Variants in ICOS observed in about 807,000 individuals in gnomAD.
The protein encoded by ICOS is inducible T-cell costimulator.
In ICOS, 15 loss-of-function variants were observed where a neutral mutation model predicts 24.6. That is an observed-to-expected ratio of 0.61 (90% CI 0.41 to 0.94). The LOEUF is 0.94. ICOS is among the 40% of genes least tolerant of loss of function. The probability of loss-of-function intolerance (pLI) is 0.00; values close to 1 mark genes in which losing one functional copy is unlikely to be tolerated. For synonymous variants in ICOS, 89 were observed against 77.5 expected (o/e 1.15, Z -0.78); for missense variants, 200 against 233.0 (o/e 0.86, Z 0.92).
intron 1 of ICOS, among the ~76,000 whole-genome samples, chr2:203,940,402 C>T (rs1194285831): frequency 6.6e-6 from 1 of 152,232 alleles, no homozygotes; most frequent in Non-Finnish European, 1.5e-5. Context: ...TTCTGGACAT[C>T]TGCTCCTGTC....
chr2:203,952,075 T>G (rs913358818), intron 1 of ICOS, among the ~76,000 whole-genome samples: 1 of 152,190 alleles, frequency 6.6e-6, no homozygotes, highest in Non-Finnish European at 1.5e-5. Flanking sequence ...AAATGTATAA[T>G]TTAATGAATA....
At chr2:203,957,929 A>G in intron 4 of ICOS, 46 bp downstream of exon 4, 1 of 1,173,856 alleles carries the variant, frequency 8.5e-7, no homozygotes, top group Non-Finnish European at 1.3e-6. Context: ...GTTTCTTCAC[A>G]GTAAGCCTGG....
rs763561602 is a variant in ICOS at position 203,956,014 on chromosome 2, T to C, written c.394+43T>C. On this transcript the variant is annotated intron_variant, in intron 2 of 4. Transcript: ENST00000316386. The stretch of plus-strand genomic sequence containing the variant: ...TCTTCCAAACTTAAGAGTATATATA[T>C]GTTTTGACAACTTTTCTCACTAATA... 1.1e-5 allele frequency: 15 copies of C among 1,391,338 alleles called. No homozygotes were observed. In the Admixed American group the frequency reaches 2.7e-4, roughly 25 times the overall value. 86.2% of individuals were successfully genotyped at this position (1,391,338 alleles called of 1,614,324 possible). A position where few individuals can be genotyped will look rare whatever the true frequency, so the allele number is the denominator to read the frequency against.
intron 1 of ICOS, among the ~76,000 whole-genome samples, chr2:203,951,688 G>A (rs961358598): frequency 1.3e-5 from 2 of 152,178 alleles, no homozygotes; most frequent in Admixed American, 1.3e-4. Context: ...GACCACAGAC[G>A]CTTTGGCTCC....
chr2:203,937,823 G>A (rs1029024971), intron 1 of ICOS, among the ~76,000 whole-genome samples: 2 of 152,098 alleles, frequency 1.3e-5, no homozygotes, highest in Admixed American at 1.3e-4. Flanking sequence ...ATCTTGTGCT[G>A]GCTCAAAGTG....
chr2:203,949,629 A>T (rs970378786), intron 1 of ICOS, among the ~76,000 whole-genome samples: 1 of 152,250 alleles, frequency 6.6e-6, no homozygotes, highest in Non-Finnish European at 1.5e-5. Context: ...TGAGGAGCAT[A>T]TCAAAGATAG....
In ICOS at chr2:203,944,406, C is replaced by G. The variant is rs1689834279; in HGVS notation, c.58+7534C>G. Among the ~76,000 whole-genome samples, 4 of 152,198 alleles carry G rather than the reference C, an allele frequency of 2.6e-5. No individual in the cohort carries two copies. The South Asian group carries it at 8.3e-4, about 32-fold the overall frequency. ...ATAAAGTCGGAAACTTCTCCACAAACAGACGCTCAGCTTCTCCGGTCAGAG... is the reference window on the plus strand; with the variant it reads ...ATAAAGTCGGAAACTTCTCCACAAAGAGACGCTCAGCTTCTCCGGTCAGAG... On this transcript the variant is annotated intron_variant, in intron 1 of 4. Coordinates refer to ENST00000316386, the MANE Select transcript of ICOS (RefSeq NM_012092.4).
intron 1 of ICOS, among the ~76,000 whole-genome samples, chr2:203,952,094 G>A (rs1161230125): frequency 2.0e-5 from 3 of 152,104 alleles, no homozygotes; most frequent in African/African-American, 7.2e-5. Flanking sequence ...TAATGCTAAA[G>A]CATACTATCT....
chr2:203,956,809 C>G, intron 3 of ICOS, 44 bp downstream of exon 3: 2 of 1,224,932 alleles, frequency 1.6e-6, no homozygotes, highest in Non-Finnish European at 2.4e-6. Flanking sequence ...TACAGATGCA[C>G]ATCAGTGATT....
intron 1 of ICOS, among the ~76,000 whole-genome samples, chr2:203,940,463 T>C (rs1216521669): frequency 6.6e-6 from 1 of 152,172 alleles, no homozygotes; most frequent in East Asian, 1.9e-4. Flanking sequence ...TTATTTTCGT[T>C]AAATACCCCC....
At position 203,959,642 on chromosome 2, in the gene ICOS, T is replaced by C; in HGVS notation, c.*43T>C. On this transcript the variant is annotated 3_prime_UTR_variant, in exon 5 of 5. Coordinates refer to ENST00000316386, the MANE Select transcript of ICOS (RefSeq NM_012092.4). Reference sequence around the variant, plus strand: ...CAGGCATGAAGCACGTTGGCCAGTTTTCCTCAACTTGAAGTGCAAGATTCT... The same window carrying C: ...CAGGCATGAAGCACGTTGGCCAGTTCTCCTCAACTTGAAGTGCAAGATTCT... 6.3e-7 allele frequency: 1 copy of C among 1,596,816 alleles called. No homozygotes were observed. Among genetic ancestry groups the C allele is most frequent in the South Asian group, 1.1e-5 (1 of 90,758 alleles).
At chr2:203,959,477 T>TGTGTGTGC (rs1553499793) in intron 4 of ICOS, 109 bp from the exon 5 acceptor site, 3 of 819,868 alleles carry the variant, frequency 3.7e-6, no homozygotes, top group African/African-American at 1.7e-5. Context: ...TGTGTGTGTG[T>TGTGTGTGC]GCACGTGTGT....
intron 4 of ICOS, 80 bp from the exon 5 acceptor site, chr2:203,959,506 C>A (rs1323848560): frequency 1.7e-6 from 2 of 1,155,640 alleles, no homozygotes; most frequent in South Asian, 1.2e-5. Context: ...GTATGAAAGG[C>A]AATGGAGAGG....
rs1690172968 is a variant in ICOS, at chr2:203,961,217, G to A, written c.*1618G>A. ...CATACTTATATTATCTTAAGCATGT[G>A]TAATGCTGGATGTGTACAGTACAGT... On this transcript the variant is annotated 3_prime_UTR_variant, in exon 5 of 5. Coordinates refer to ENST00000316386, the MANE Select transcript of ICOS (RefSeq NM_012092.4). The A allele has an allele frequency of 6.6e-6, 1 of 152,406 alleles. No individual in the cohort carries two copies. Among genetic ancestry groups the A allele is most frequent in the African/African-American group, 2.4e-5 (1 of 41,182 alleles). The allele number at this position is 152,406 out of a possible 1,614,324, so 9.4% of individuals were successfully genotyped here. A position where few individuals can be genotyped will look rare whatever the true frequency, so the allele number is the denominator to read the frequency against.
At chr2:203,948,308 G>A (rs1689908111) in intron 1 of ICOS, among the ~76,000 whole-genome samples, 1 of 152,062 alleles carries the variant, frequency 6.6e-6, no homozygotes, top group Admixed American at 6.5e-5. Context: ...CCAGCTATGA[G>A]CTATGTAATC....
chr2:203,952,132 A>C (rs1325523198), intron 1 of ICOS, among the ~76,000 whole-genome samples: 1 of 152,086 alleles, frequency 6.6e-6, no homozygotes, highest in African/African-American at 2.4e-5. Flanking sequence ...CAGGTCAAGA[A>C]ATACAAGACT....
chr2:203,957,547 G>A (rs948257881), intron 3 of ICOS, among the ~76,000 whole-genome samples: 1 of 152,186 alleles, frequency 6.6e-6, no homozygotes, highest in South Asian at 2.1e-4. Context: ...AAGAGAATGA[G>A]ATAGCGCCCA....
At chr2:203,957,109 A>C (rs1274748809) in intron 3 of ICOS, among the ~76,000 whole-genome samples, 1 of 152,194 alleles carries the variant, frequency 6.6e-6, no homozygotes, top group African/African-American at 2.4e-5. Context: ...TTTTTAAAAA[A>C]TTATTATGCA....
At chr2:203,949,569 T>C (rs995431009) in intron 1 of ICOS, among the ~76,000 whole-genome samples, 1 of 152,136 alleles carries the variant, frequency 6.6e-6, no homozygotes, top group Non-Finnish European at 1.5e-5. Context: ...GCCTGAAACA[T>C]GAAGTGTTGA....
Sources: gnomAD v4.1 joint callset for allele counts (sites outside exome capture counted in the v4.1 genomes callset) on GRCh38, gnomAD v4.1.1 for gene constraint, MANE v1.5 for transcripts, NCBI Gene and HGNC (gene_info 2026-07-23, HGNC 2026-07-21) for gene names.